Variants in HIRA observed in about 807,000 individuals in gnomAD.
The protein encoded by HIRA is histone cell cycle regulator.
HIRA carries 13 observed loss-of-function variants against 126.6 expected under a neutral mutation model. The ratio of observed to expected loss-of-function variants is 0.10; its 90% CI spans 0.07 to 0.16. HIRA has a LOEUF of 0.16. Ranked by LOEUF, HIRA falls within the 10% of genes least tolerant of loss-of-function variation. The pLI, the probability that HIRA is intolerant of heterozygous loss-of-function variation, is 1.00. For missense variants in HIRA, 834 were observed against 1,314.4 expected (o/e 0.63, Z 5.65); for synonymous variants, 511 against 520.0 (o/e 0.98, Z 0.24).
intron 24 of HIRA, among the ~76,000 whole-genome samples, chr22:19,332,379 G>A (rs2088500258): frequency 6.6e-6 from 1 of 152,160 alleles, no homozygotes; most frequent in South Asian, 2.1e-4. Flanking sequence ...TGCTGTTGGC[G>A]ACCAAGTTTG....
chr22:19,337,261 G>C (rs1280009076), intron 24 of HIRA, among the ~76,000 whole-genome samples: 1 of 151,188 alleles, frequency 6.6e-6, no homozygotes, highest in Non-Finnish European at 1.5e-5. Flanking sequence ...AAATATATAG[G>C]ATATGGATGA....
chr22:19,399,150 C>T (rs1301021868), intron 5 of HIRA: 3 of 985,358 alleles, frequency 3.0e-6, no homozygotes, highest in South Asian at 9.4e-5. Context: ...GGGTGAAGGG[C>T]GCAGTCTTAG....
chr22:19,402,576 G>C (rs1042990538), intron 5 of HIRA, among the ~76,000 whole-genome samples: 10 of 152,120 alleles, frequency 6.6e-5, no homozygotes, highest in Admixed American at 6.6e-5. Context: ...TGCTTTATTT[G>C]TTCCAAGAGC....
intron 16 of HIRA, 133 bp from the exon 17 acceptor site, chr22:19,361,474 G>A (rs548388958): frequency 7.5e-6 from 6 of 802,646 alleles, no homozygotes; most frequent in African/African-American, 5.1e-5. Flanking sequence ...GAAGCAGAGG[G>A]GAATGCTACA....
At chr22:19,333,533 C>G (rs782192422) in intron 24 of HIRA, among the ~76,000 whole-genome samples, 28 of 152,208 alleles carry the variant, frequency 1.8e-4, no homozygotes, top group Middle Eastern at 6.8e-3. Flanking sequence ...CTTTCCTTTC[C>G]CACAGTTTGA....
chr22:19,408,528 C>T lies in HIRA; in HGVS notation c.166G>A (p.Asp56Asn), dbSNP rs1360771794. 6.2e-7 allele frequency: 1 copy of T among 1,613,814 alleles called. No individual in the cohort carries two copies. The highest frequency in any genetic ancestry group is 1.1e-5 in the South Asian group (1 of 91,080). Reference sequence around the variant, plus strand: ...CAAAGCATCTTGGGAATATTTTCATCCTTCTCGTCATCCTCCTGGAGGACT... The same window carrying T: ...CAAAGCATCTTGGGAATATTTTCATTCTTCTCGTCATCCTCCTGGAGGACT... ...SPVLQEDDEK[D>N]ENIPKMLCQM... Residue 56 changes from aspartate (D) to asparagine (N), a missense_variant, in exon 3 of 25, where the codon GAT becomes AAT. Asp to Asn is a conservative substitution (Grantham distance 23, BLOSUM62 1). This residue lies in a region of HIRA where 102 missense variants were observed against 191.4 expected (regional missense o/e 0.53). Coordinates refer to ENST00000263208, the MANE Select transcript of HIRA (RefSeq NM_003325.4).
In HIRA at chr22:19,354,127, G is replaced by A; in HGVS notation, c.2562-9C>T. 6.2e-7 allele frequency: 1 copy of A among 1,611,718 alleles called. No homozygotes were observed. Among genetic ancestry groups the A allele is most frequent in the Non-Finnish European group, 8.5e-7 (1 of 1,178,854 alleles). ...TGTCAGAAACCAGGTTCCTGGGGAG[G>A]CAAAGGCAGGAGCAGAGCTCAGGAA... On this transcript the variant is annotated splice_polypyrimidine_tract_variant and intron_variant, in intron 21 of 24. Coordinates refer to ENST00000263208, the MANE Select transcript of HIRA (RefSeq NM_003325.4).
intron 1 of HIRA, among the ~76,000 whole-genome samples, chr22:19,423,581 C>T (rs935535823): frequency 6.6e-6 from 1 of 151,758 alleles, no homozygotes; most frequent in African/African-American, 2.4e-5. Flanking sequence ...CCATGTGAGA[C>T]CTTCTGTTAG....
rs1180770846 is a variant in HIRA at position 19,334,421 on chromosome 22, C to T, written c.2938-2865G>A. Among the ~76,000 whole-genome samples the T allele has an allele frequency of 1.3e-4, 20 of 151,140 alleles. 1 individual carries two copies. Among genetic ancestry groups the T allele is most frequent in the Non-Finnish European group, 1.9e-4 (13 of 67,776 alleles). ...ATCTCAGCACTTTGGGAGGCCAAGG[C>T]GGGCAGATCGCTTGAGGCCAGGAGT... On this transcript the variant is annotated intron_variant, in intron 24 of 24. Coordinates refer to ENST00000263208, the MANE Select transcript of HIRA (RefSeq NM_003325.4).
intron 4 of HIRA, 87 bp downstream of exon 4, chr22:19,407,097 G>C (rs2089314272): frequency 9.2e-7 from 1 of 1,088,144 alleles, no homozygotes; most frequent in African/African-American, 1.5e-5. Flanking sequence ...GGGAACTTCA[G>C]TGACAGGGTA....
chr22:19,355,678 T>C (rs2088804812), intron 21 of HIRA, 82 bp downstream of exon 21: 2 of 998,122 alleles, frequency 2.0e-6, no homozygotes, highest in Non-Finnish European at 1.6e-6. Context: ...TAGGCAGCCC[T>C]GTAGGCCACG....
chr22:19,383,570 G>T, intron 13 of HIRA, 50 bp downstream of exon 13: 1 of 1,429,298 alleles, frequency 7.0e-7, no homozygotes, highest in Non-Finnish European at 9.9e-7. Flanking sequence ...GCTGAAAGAA[G>T]ACAGGAAGAT....
At chr22:19,390,653 A>AGGG (rs1481216828) in intron 9 of HIRA, among the ~76,000 whole-genome samples, 5 of 144,136 alleles carry the variant, frequency 3.5e-5, no homozygotes, top group African/African-American at 1.3e-4. Context: ...GCCTCATCTC[A>AGGG]GGGGATCCAG....
chr22:19,422,797 GC>G (rs1160148757), intron 1 of HIRA, among the ~76,000 whole-genome samples: 2 of 152,176 alleles, frequency 1.3e-5, no homozygotes, highest in African/African-American at 2.4e-5. Flanking sequence ...AGTGTTGGCA[GC>G]CCCAACAGCT....
chr22:19,400,071 T>G (rs2089255182), intron 5 of HIRA, among the ~76,000 whole-genome samples: 1 of 152,226 alleles, frequency 6.6e-6, no homozygotes, highest in African/African-American at 2.4e-5. Flanking sequence ...AGGGATTTTC[T>G]TAGCAATCTC....
intron 15 of HIRA, among the ~76,000 whole-genome samples, chr22:19,364,801 C>T (rs926840578): frequency 6.6e-6 from 1 of 152,070 alleles, no homozygotes; most frequent in Non-Finnish European, 1.5e-5. Flanking sequence ...AGTGTTAAAC[C>T]AAAAGCTAAA....
chr22:19,375,850 T>G, intron 14 of HIRA, 58 bp from the exon 15 acceptor site: 3 of 1,566,786 alleles, frequency 1.9e-6, no homozygotes, highest in Non-Finnish European at 2.6e-6. Context: ...TCTGGAGGTC[T>G]AGTATTTGCA....
Position 19,407,257 on chromosome 22 carries a change from G to A in HIRA, c.229C>T (p.Arg77Trp). The change falls in exon 4 of 25, where the codon CGG (arginine) becomes TGG (tryptophan). Residue 77 changes from arginine to tryptophan, a missense_variant. Physicochemically the swap from Arg to Trp is moderately radical, Grantham distance 101. Coordinates refer to ENST00000263208, the MANE Select transcript of HIRA (RefSeq NM_003325.4). ...DNHLACVNCV[R>W]WSNSGMYLAS... ...AAATACATCCCACTGTTTGACCACC[G>A]CACACAGTTCACACATGCTGGGAAG... 6.2e-7 allele frequency: 1 copy of A among 1,613,172 alleles called. No individual in the cohort carries two copies. The highest frequency in any genetic ancestry group is 1.1e-5 in the South Asian group (1 of 91,064).
At chr22:19,387,922 T>C in intron 10 of HIRA, 106 bp from the exon 11 acceptor site, 1 of 320,942 alleles carries the variant, frequency 3.1e-6, no homozygotes, top group South Asian at 3.8e-5. Context: ...AGGGAGATGC[T>C]GGAAACTCCT....
Sources: gnomAD v4.1 joint callset for allele counts (sites outside exome capture counted in the v4.1 genomes callset) on GRCh38, gnomAD v4.1.1 for gene constraint, gnomAD v4.1.1 regional missense constraint, MANE v1.5 for transcripts, NCBI Gene and HGNC (gene_info 2026-07-23, HGNC 2026-07-21) for gene names.